Variants in ZNF215 observed in about 807,000 individuals in gnomAD.
ZNF215 encodes zinc finger protein 215, also known as BWSCR2-associated zinc finger protein 2.
ZNF215 carries 24 observed loss-of-function variants against 27.2 expected under a neutral mutation model. That is an observed-to-expected ratio of 0.88 (90% CI 0.64 to 1.24). The LOEUF (loss-of-function observed/expected upper bound fraction) is 1.24, where lower values mean the gene tolerates loss of function less well. Among genes scored for constraint, ZNF215 ranks in the 50% most tolerant of loss-of-function variants. ZNF215 has a pLI of 0.00. For synonymous variants in ZNF215, 210 were observed against 204.0 expected (o/e 1.03, Z -0.25); for missense variants, 675 against 605.7 (o/e 1.11, Z -1.20).
At chr11:6,941,778 T>C in intron 4 of ZNF215, 125 bp downstream of exon 4, 3 of 958,756 alleles carry the variant, frequency 3.1e-6, no homozygotes, top group Admixed American at 2.3e-5. Flanking sequence ...ACTTTTATTT[T>C]CCCACAGGAC....
downstream of ZNF215, among the ~76,000 whole-genome samples, chr11:6,989,346 G>T (rs1214998710): frequency 6.6e-6 from 1 of 152,040 alleles, no homozygotes; most frequent in Non-Finnish European, 1.5e-5. Flanking sequence ...TATAAAAGAA[G>T]TAGACATGGG....
rs149901939 is a variant in ZNF215, at chr11:6,931,448, T to C, written c.-179-646T>C. ...AGTTGTTTTTTGCCTTCTGAGTAAATTGGTGCCAAATATGACCTATGGTAG... is the reference window on the plus strand; with the variant it reads ...AGTTGTTTTTTGCCTTCTGAGTAAACTGGTGCCAAATATGACCTATGGTAG... On this transcript the variant is annotated intron_variant, in intron 2 of 6. Transcript: ENST00000278319. 4.0e-3 allele frequency among the ~76,000 whole-genome samples: 613 copies of C among 152,322 alleles called. 4 individuals carry two copies. Among genetic ancestry groups the C allele is most frequent in the African/African-American group, 0.013 (539 of 41,560 alleles).
At chr11:6,951,621 T>C (rs1850068865) in intron 6 of ZNF215, among the ~76,000 whole-genome samples, 1 of 152,212 alleles carries the variant, frequency 6.6e-6, no homozygotes, top group Non-Finnish European at 1.5e-5. Flanking sequence ...GAGTCTTCTC[T>C]GTTTTCTTCT....
intron 5 of ZNF215, among the ~76,000 whole-genome samples, chr11:6,965,975 C>T (rs1850610634): frequency 6.6e-6 from 1 of 152,226 alleles, no homozygotes; most frequent in Middle Eastern, 3.4e-3. Context: ...GGAAGAATTT[C>T]AGTAAAACTG....
chr11:6,950,806 G>A, intron 6 of ZNF215, among the ~76,000 whole-genome samples: 1 of 147,366 alleles, frequency 6.8e-6, no homozygotes, highest in African/African-American at 2.5e-5. Flanking sequence ...TCCCTGTCTT[G>A]TGCCAATTTT....
At chr11:6,958,355 T>C (rs978316103), downstream of ZNF215, among the ~76,000 whole-genome samples, 17 of 152,242 alleles carry the variant, frequency 1.1e-4, no homozygotes, top group Non-Finnish European at 2.2e-4. Flanking sequence ...ATCTTTTCTT[T>C]GAACAACTAG....
At chr11:6,952,464 A>G (rs1850113713) in intron 6 of ZNF215, among the ~76,000 whole-genome samples, 1 of 152,056 alleles carries the variant, frequency 6.6e-6, no homozygotes, top group African/African-American at 2.4e-5. Flanking sequence ...CTTCTTGTTG[A>G]ATTGATCCTT....
downstream of ZNF215, among the ~76,000 whole-genome samples, chr11:6,986,046 A>C (rs562167161): frequency 6.6e-6 from 1 of 152,164 alleles, no homozygotes; most frequent in Admixed American, 6.6e-5. Flanking sequence ...TAATGGAACC[A>C]AAAAAGATCT....
At chr11:6,935,826 A>C (rs1016856524) in intron 3 of ZNF215, among the ~76,000 whole-genome samples, 4 of 152,152 alleles carry the variant, frequency 2.6e-5, no homozygotes, top group Non-Finnish European at 5.9e-5. Flanking sequence ...GTTTCAGTAC[A>C]TTTAAGTAGA....
Position 6,956,271 on chromosome 11 carries a change from G to A in ZNF215, c.1294G>A (p.Ala432Thr), listed in dbSNP as rs145100301. 6.2e-7 allele frequency: 1 copy of A among 1,614,026 alleles called. No individual in the cohort carries two copies. Among genetic ancestry groups the A allele is most frequent in the Non-Finnish European group, 8.5e-7 (1 of 1,179,990 alleles). Reference protein sequence around the residue: ...LTKHQKLHAEAKACTSNKCGK... With the variant: ...LTKHQKLHAETKACTSNKCGK... ...TAAGCATCAAAAACTTCATGCTGAAGCAAAGGCCTGCACAAGCAATAAATG... is the reference window on the plus strand; with the variant it reads ...TAAGCATCAAAAACTTCATGCTGAAACAAAGGCCTGCACAAGCAATAAATG... Residue 432 changes from alanine to threonine, a missense_variant, in exon 7 of 7, where the codon GCA (alanine) becomes ACA (threonine). Transcript: ENST00000278319.
chr11:6,980,081 C>G (rs1161354583), intron 5 of ZNF215, among the ~76,000 whole-genome samples: 6 of 152,078 alleles, frequency 3.9e-5, no homozygotes, highest in Admixed American at 1.3e-4. Context: ...GGTTCAGGAT[C>G]ATATTATTTT....
intron 2 of ZNF215, among the ~76,000 whole-genome samples, chr11:6,931,478 G>A (rs1209399805): frequency 6.6e-6 from 1 of 152,220 alleles, no homozygotes; most frequent in Non-Finnish European, 1.5e-5. Context: ...TGGTAGTCTT[G>A]CAAGTCTAAA....
intron 5 of ZNF215, among the ~76,000 whole-genome samples, chr11:6,966,988 G>A (rs1348812385): frequency 6.6e-6 from 1 of 151,892 alleles, no homozygotes; most frequent in African/African-American, 2.4e-5. Flanking sequence ...AGGCCCTGGT[G>A]TATGATGTTC....
chr11:6,927,141 C>G (rs1849080944), intron 1 of ZNF215, among the ~76,000 whole-genome samples: 1 of 127,094 alleles, frequency 7.9e-6, no homozygotes, highest in Admixed American at 8.1e-5. Context: ...ATGGAAAAAC[C>G]AAGCGTGACT....
chr11:6,956,164 G>C lies in ZNF215; in HGVS notation c.1187G>C (p.Arg396Pro), dbSNP rs772959312. The C allele has an allele frequency of 6.2e-7, 1 of 1,613,560 alleles. No individual in the cohort carries two copies. Among genetic ancestry groups the C allele is most frequent in the South Asian group, 1.1e-5 (1 of 90,926 alleles). The stretch of plus-strand genomic sequence containing the variant: ...TTCTGCCGAAGTTCATCCCTTATTC[G>C]ACATCAGATCATTCACACAGGAGAG... ...KAFCRSSSLI[R>P]HQIIHTGEKP... The change falls in exon 7 of 7, where the codon CGA becomes CCA. Residue 396 changes from arginine to proline, a missense_variant. Arg to Pro is a moderately radical substitution (Grantham distance 103). Coordinates refer to ENST00000278319, the MANE Select transcript of ZNF215 (RefSeq NM_013250.4).
chr11:6,959,645 GAGA>G (rs1850473739), downstream of ZNF215, among the ~76,000 whole-genome samples: 1 of 152,198 alleles, frequency 6.6e-6, no homozygotes, highest in Non-Finnish European at 1.5e-5. Context: ...TGTCTGGAAT[GAGA>G]AGACTACTAT....
chr11:6,956,678 A>G lies in ZNF215; in HGVS notation c.*147A>G. The G allele has an allele frequency of 7.2e-7, 1 of 1,394,768 alleles. No homozygotes were observed. The highest frequency in any genetic ancestry group is 9.2e-7 in the Non-Finnish European group (1 of 1,083,056). The allele number at this position is 1,394,768 out of a possible 1,614,324, so 86.4% of individuals were successfully genotyped here. ...AATGATATCACAGAATTAATGTTGG[A>G]TAGAAATATCATTGGATAGAAATCT... On this transcript the variant is annotated 3_prime_UTR_variant, in exon 7 of 7. Transcript: ENST00000278319.
chr11:6,956,581 A>G lies in ZNF215; in HGVS notation c.*50A>G, dbSNP rs202224528. On this transcript the variant is annotated 3_prime_UTR_variant, in exon 7 of 7. Coordinates refer to ENST00000278319, the MANE Select transcript of ZNF215 (RefSeq NM_013250.4). Reference sequence around the variant, plus strand: ...TTCAGTCAGAATGCAGAACTCATTTAACATCATGAATTTATGCTGGATAAA... The same window carrying G: ...TTCAGTCAGAATGCAGAACTCATTTGACATCATGAATTTATGCTGGATAAA... 3 of 1,496,850 alleles carry G rather than the reference A, an allele frequency of 2.0e-6. No individual in the cohort carries two copies. Among genetic ancestry groups the G allele is most frequent in the Non-Finnish European group, 2.7e-6 (3 of 1,131,060 alleles). 92.7% of individuals were successfully genotyped at this position (1,496,850 alleles called of 1,614,324 possible). A position where few individuals can be genotyped will look rare whatever the true frequency, so the allele number is the denominator to read the frequency against.
downstream of ZNF215, among the ~76,000 whole-genome samples, chr11:6,991,518 C>T (rs1851117749): frequency 6.6e-6 from 1 of 152,212 alleles, no homozygotes; most frequent in African/African-American, 2.4e-5. Flanking sequence ...TGCCACCAAA[C>T]TCCAAGTCAC....
Sources: gnomAD v4.1 joint callset for allele counts (sites outside exome capture counted in the v4.1 genomes callset) on GRCh38, gnomAD v4.1.1 for gene constraint, MANE v1.5 for transcripts, NCBI Gene and HGNC (gene_info 2026-07-23, HGNC 2026-07-21) for gene names.